Variants in ACSBG1 observed in about 807,000 individuals in gnomAD.
ACSBG1 encodes the protein long-chain-fatty-acid--CoA ligase ACSBG1.
In ACSBG1, 39 loss-of-function variants were observed where a neutral mutation model predicts 80.2. That is an observed-to-expected ratio of 0.49 (90% CI 0.38 to 0.64). ACSBG1 has a LOEUF of 0.64. ACSBG1 is among the 30% of genes least tolerant of loss of function. ACSBG1 has a pLI of 0.00. For synonymous variants in ACSBG1, 392 were observed against 379.5 expected (o/e 1.03, Z -0.38); for missense variants, 828 against 966.4 (o/e 0.86, Z 1.90).
In ACSBG1 at chr15:78,173,683, T is replaced by G. The variant is rs750262937; in HGVS notation, c.1999A>C (p.Arg667=). The change falls in exon 13 of 14, where the codon AGG becomes CGG. Residue 667 remains arginine (R), a synonymous_variant. Transcript: ENST00000258873. ...VYQAIEEGIR[R]VNMNAAARPY... ...CGGGCCGCCGCGTTCATGTTGACCC[T>G]CCGGATCCCCTCTTCGATGGCCTGG... The G allele has an allele frequency of 4.8e-5, 78 of 1,614,116 alleles. No homozygotes were observed. The highest frequency in any genetic ancestry group is 6.1e-5 in the Non-Finnish European group (72 of 1,180,050).
chr15:78,196,306 C>A (rs2075114228), intron 2 of ACSBG1, among the ~76,000 whole-genome samples: 1 of 152,376 alleles, frequency 6.6e-6, no homozygotes, highest in South Asian at 2.1e-4. Flanking sequence ...CCCCGCTGAT[C>A]TGCCTCTTCA....
chr15:78,209,195 A>G (rs1342762579), intron 1 of ACSBG1: 2 of 456,128 alleles, frequency 4.4e-6, no homozygotes, highest in Admixed American at 4.7e-5. Flanking sequence ...GGTTCCGAAC[A>G]AAACTAAGTT....
intron 6 of ACSBG1, 27 bp downstream of exon 6, chr15:78,182,678 T>C (rs2074960232): frequency 2.5e-6 from 4 of 1,614,030 alleles, no homozygotes; most frequent in Non-Finnish European, 3.4e-6. Flanking sequence ...AGGCCCCACC[T>C]GGCGCCCAGG....
chr15:78,222,204 T>C (rs544093478), intron 1 of ACSBG1, among the ~76,000 whole-genome samples: 6 of 152,338 alleles, frequency 3.9e-5, no homozygotes, highest in African/African-American at 1.4e-4. Context: ...CAGTAGATCA[T>C]ATATTGTATT....
At chr15:78,190,794 G>C (rs540874708) in intron 5 of ACSBG1, among the ~76,000 whole-genome samples, 20 of 152,078 alleles carry the variant, frequency 1.3e-4, no homozygotes, top group African/African-American at 4.8e-4. Flanking sequence ...TGTAAAATCA[G>C]AGCAAACACT....
intron 1 of ACSBG1, among the ~76,000 whole-genome samples, chr15:78,221,959 G>A (rs530416939): frequency 1.3e-5 from 2 of 152,236 alleles, no homozygotes; most frequent in South Asian, 4.1e-4. Flanking sequence ...TTTTTTCTTT[G>A]TACAGATCAA....
Position 78,171,447 on chromosome 15 carries a change from C to T in ACSBG1, c.2172G>A (p.Met724Ile), listed in dbSNP as rs773160296. 3.8e-5 allele frequency: 62 copies of T among 1,613,844 alleles called. No homozygotes were observed. Among genetic ancestry groups the T allele is most frequent in the East Asian group, 3.3e-4 (15 of 44,882 alleles). The part of the protein sequence containing the change: ...IIDSFYQEQK[M>I] ...AAACTGCAGGCATAGGCCCTGATTA[C>T]ATTTTTTGCTCTTGGTAAAAGGAGT... The change falls in exon 14 of 14, where the codon ATG (methionine) becomes ATA (isoleucine). Residue 724 changes from methionine to isoleucine, a missense_variant. Met to Ile is a conservative substitution (Grantham distance 10, BLOSUM62 1). Transcript: ENST00000258873.
chr15:78,181,925 C>T, intron 8 of ACSBG1, 44 bp downstream of exon 8: 1 of 1,594,148 alleles, frequency 6.3e-7, no homozygotes, highest in South Asian at 1.1e-5. Flanking sequence ...TGGACGTGGC[C>T]TGGCACACGG....
intron 1 of ACSBG1, among the ~76,000 whole-genome samples, chr15:78,214,334 C>T (rs1034844185): frequency 1.3e-5 from 2 of 152,218 alleles, no homozygotes; most frequent in Non-Finnish European, 2.9e-5. Context: ...TACCTGCAAG[C>T]TACAACTCCC....
intron 1 of ACSBG1, chr15:78,212,679 C>CG (rs2075277131): frequency 2.3e-6 from 1 of 442,900 alleles, no homozygotes. Flanking sequence ...GGAGTCCCCC[C>CG]GGGAGAGCCA....
rs747875186 is a variant in ACSBG1, at chr15:78,234,416, CGGCTCTCCTGTG to C, written c.74_85del (p.Pro25_Ser28del). On this transcript the variant is annotated inframe_deletion, in exon 1 of 14. Transcript: ENST00000258873. ...GGTGGTCCTCACAATCATGTCCTGCCGGCTCTCCTGTGGGGTCTCTCTGCTGTCCAGCATGCT... is the reference window on the plus strand; with the variant it reads ...GGTGGTCCTCACAATCATGTCCTGCCGGGTCTCTCTGCTGTCCAGCATGCT... 6.2e-7 allele frequency: 1 copy of C among 1,612,980 alleles called. No homozygotes were observed. The highest frequency in any genetic ancestry group is 2.2e-5 in the East Asian group (1 of 44,878).
rs190076778 is a variant in ACSBG1, at chr15:78,210,909, C to T, written c.132-2807G>A. 6.8e-4 allele frequency among the ~76,000 whole-genome samples: 104 copies of T among 152,286 alleles called. 1 individual carries two copies. Among genetic ancestry groups the T allele is most frequent in the Admixed American group, 3.3e-3 (50 of 15,288 alleles). Reference sequence around the variant, plus strand: ...GATTATAGGCGCAAGTCACCATGCTCGGCCATTTTTTAGTTTTTAATCCTC... The same window carrying T: ...GATTATAGGCGCAAGTCACCATGCTTGGCCATTTTTTAGTTTTTAATCCTC... On this transcript the variant is annotated intron_variant, in intron 1 of 13. Transcript: ENST00000258873.
intron 11 of ACSBG1, chr15:78,174,815 C>T (rs1220179636): frequency 1.1e-5 from 5 of 459,908 alleles, no homozygotes; most frequent in Middle Eastern, 5.8e-4. Context: ...AGTCCCAGTT[C>T]CTGCCCCCAA....
chr15:78,169,866 G>C lies in ACSBG1; in HGVS notation c.*1578C>G, dbSNP rs2074798104. Reference sequence around the variant, plus strand: ...TGTAAACTTATTCTTGCATGTTGCTGTCTGGGAATGGACCACACTACAGCA... The same window carrying C: ...TGTAAACTTATTCTTGCATGTTGCTCTCTGGGAATGGACCACACTACAGCA... On this transcript the variant is annotated 3_prime_UTR_variant, in exon 14 of 14. Transcript: ENST00000258873. 1 of 152,222 alleles carries C rather than the reference G, an allele frequency of 6.6e-6. No homozygotes were observed. The highest frequency in any genetic ancestry group is 2.4e-5 in the African/African-American group (1 of 41,454). 9.4% of individuals were successfully genotyped at this position (152,222 alleles called of 1,614,324 possible).
intron 1 of ACSBG1, among the ~76,000 whole-genome samples, chr15:78,233,804 T>A (rs2075469714): frequency 6.6e-6 from 1 of 152,218 alleles, no homozygotes; most frequent in Admixed American, 6.5e-5. Flanking sequence ...GGACAGGGCC[T>A]GGGCCAGGGT....
intron 2 of ACSBG1, among the ~76,000 whole-genome samples, chr15:78,201,501 T>C (rs1006191157): frequency 1.3e-5 from 2 of 152,260 alleles, no homozygotes; most frequent in Non-Finnish European, 1.5e-5. Flanking sequence ...GGGCCTGCCC[T>C]GCTCATTGTC....
intron 3 of ACSBG1, 112 bp from the exon 4 acceptor site, chr15:78,194,132 G>A: frequency 9.7e-7 from 1 of 1,032,602 alleles, no homozygotes; most frequent in Non-Finnish European, 1.5e-6. Flanking sequence ...CACCCTCCCA[G>A]GGTCCCCTCA....
intron 2 of ACSBG1, among the ~76,000 whole-genome samples, chr15:78,204,682 C>T (rs1325740318): frequency 6.6e-6 from 1 of 152,246 alleles, no homozygotes; most frequent in Non-Finnish European, 1.5e-5. Flanking sequence ...AAAGCCTTTC[C>T]TGCCGGCCCC....
rs1018446492 is a variant in ACSBG1, at chr15:78,222,438, A to T, written c.131+11933T>A. ...CAGCACTTTGGGAGGCTGAAGTGGG[A>T]GGATCACTTGAGGGCAGGAGTTCAA... On this transcript the variant is annotated intron_variant, in intron 1 of 13. Coordinates refer to ENST00000258873, the MANE Select transcript of ACSBG1 (RefSeq NM_015162.5). Among the ~76,000 whole-genome samples the T allele has an allele frequency of 7.9e-5, 12 of 152,268 alleles. No homozygotes were observed. The South Asian group carries it at 2.5e-3, about 32-fold the overall frequency.
Sources: allele counts gnomAD v4.1 joint callset (sites outside exome capture counted in the v4.1 genomes callset), GRCh38; gene constraint gnomAD v4.1.1; transcripts MANE v1.5; gene names NCBI Gene and HGNC (gene_info 2026-07-23, HGNC 2026-07-21).